Variants in PCDHGA6 observed in about 807,000 individuals in gnomAD.
PCDHGA6 encodes protocadherin gamma-A6.
A neutral mutation model predicts 60.6 loss-of-function variants in PCDHGA6; 41 were observed. That is an observed-to-expected ratio of 0.68 (90% CI 0.53 to 0.88). The LOEUF is 0.88. Among genes scored for constraint, PCDHGA6 ranks in the 40% least tolerant of loss-of-function variants. The pLI is 0.00. For missense variants in PCDHGA6, 1,312 were observed against 1,203.0 expected (o/e 1.09, Z -1.34); for synonymous variants, 594 against 524.4 (o/e 1.13, Z -1.81).
At chr5:141,429,388 A>T (rs6890453) in intron 1 of PCDHGA6, among the ~76,000 whole-genome samples, 24,714 of 140,916 alleles carry the variant, frequency 0.18, 2,276 homozygotes, top group African/African-American at 0.28. Flanking sequence ...TTTTTTTTTT[A>T]AAAAAAATTG....
At chr5:141,461,892 C>T (rs976827774) in intron 1 of PCDHGA6, among the ~76,000 whole-genome samples, 2 of 152,030 alleles carry the variant, frequency 1.3e-5, no homozygotes, top group Non-Finnish European at 2.9e-5. Context: ...GGCACGATCT[C>T]GGCTCACTGC....
chr5:141,408,446 G>C (rs371079756), intron 1 of PCDHGA6: 180 of 1,613,946 alleles, frequency 1.1e-4, no homozygotes, highest in Non-Finnish European at 1.5e-4. Context: ...CGCGGAGAGC[G>C]GGGACTTACT....
intron 1 of PCDHGA6, among the ~76,000 whole-genome samples, chr5:141,463,534 C>T (rs866525322): frequency 2.6e-4 from 39 of 148,938 alleles, no homozygotes; most frequent in Admixed American, 7.5e-4. Flanking sequence ...CTAGAAACTC[C>T]GGCTCCCGGG....
At chr5:141,404,600 CTG>C (rs2094545529) in intron 1 of PCDHGA6, 2 of 1,613,938 alleles carry the variant, frequency 1.2e-6, no homozygotes, top group Non-Finnish European at 1.7e-6. Context: ...GTCATTGAGA[CTG>C]TTTGTTTTGG....
chr5:141,509,207 A>C (rs1263006059), intron 3 of PCDHGA6, among the ~76,000 whole-genome samples: 2 of 151,694 alleles, frequency 1.3e-5, no homozygotes, highest in Non-Finnish European at 2.9e-5. Context: ...CTGTCTCTCT[A>C]TTTCTCAATC....
Position 141,487,522 on chromosome 5 carries a change from T to G in PCDHGA6, c.2425-7285T>G, listed in dbSNP as rs764726787. Reference sequence around the variant, plus strand: ...TGGCTTCTGCACCCACTCGGAGTGATAGCTTCATGATGGTGAAGTCACCCA... The same window carrying G: ...TGGCTTCTGCACCCACTCGGAGTGAGAGCTTCATGATGGTGAAGTCACCCA... On this transcript the variant is annotated intron_variant, in intron 1 of 3. Transcript: ENST00000517434. This position sits in a 1 kb window ranked among gnomAD's most constrained non-coding sequence, Gnocchi z 5.0. The G allele has an allele frequency of 6.2e-7, 1 of 1,614,166 alleles. No individual in the cohort carries two copies. The highest frequency in any genetic ancestry group is 8.5e-7 in the Non-Finnish European group (1 of 1,180,022).
intron 1 of PCDHGA6, among the ~76,000 whole-genome samples, chr5:141,425,967 G>A (rs1021171082): frequency 2.0e-5 from 3 of 152,214 alleles, no homozygotes; most frequent in Non-Finnish European, 4.4e-5. Flanking sequence ...CAACACATCA[G>A]TCTAATTCTG....
intron 1 of PCDHGA6, among the ~76,000 whole-genome samples, chr5:141,453,095 G>T (rs1254113352): frequency 6.6e-6 from 1 of 151,962 alleles, no homozygotes; most frequent in African/African-American, 2.4e-5. Flanking sequence ...TATATTTTCT[G>T]TTGCTTTTTT....
chr5:141,491,353 T>A lies in PCDHGA6; in HGVS notation c.2425-3454T>A. On this transcript the variant is annotated intron_variant, in intron 1 of 3. Coordinates refer to ENST00000517434, the MANE Select transcript of PCDHGA6 (RefSeq NM_018919.3). This position sits in a 1 kb window ranked among gnomAD's most constrained non-coding sequence, Gnocchi z 6.9. ...GGCTCTAGCGACCGTCAGTCTCTTATCCCTAGTCACCTTCACCTTTCTGTC... is the reference window on the plus strand; with the variant it reads ...GGCTCTAGCGACCGTCAGTCTCTTAACCCTAGTCACCTTCACCTTTCTGTC... The A allele has an allele frequency of 6.2e-7, 1 of 1,614,160 alleles. No homozygotes were observed. Among genetic ancestry groups the A allele is most frequent in the South Asian group, 1.1e-5 (1 of 91,080 alleles).
intron 1 of PCDHGA6, chr5:141,419,481 C>A (rs2096389716): frequency 2.5e-6 from 4 of 1,612,424 alleles, no homozygotes; most frequent in Non-Finnish European, 3.4e-6. Context: ...GGCTCGCCCG[C>A]GCTCAGCGCC....
intron 1 of PCDHGA6, chr5:141,417,739 C>T: frequency 6.4e-6 from 9 of 1,411,706 alleles, no homozygotes; most frequent in Non-Finnish European, 5.6e-6. Flanking sequence ...GCCCAGCACA[C>T]CAGATTGCCA....
intron 1 of PCDHGA6, among the ~76,000 whole-genome samples, chr5:141,459,109 C>A (rs1213203625): frequency 6.6e-6 from 1 of 152,174 alleles, no homozygotes; most frequent in Non-Finnish European, 1.5e-5. Context: ...TGCATTTTGA[C>A]AATTGTTTAC....
chr5:141,409,818 C>T (rs1027344375), intron 1 of PCDHGA6: 2 of 1,610,918 alleles, frequency 1.2e-6, no homozygotes, highest in Non-Finnish European at 1.7e-6. Context: ...GACCACGGCT[C>T]GCCCACGCTC....
At chr5:141,498,863 G>A (rs1311199561) in intron 2 of PCDHGA6, among the ~76,000 whole-genome samples, 2 of 151,466 alleles carry the variant, frequency 1.3e-5, no homozygotes, top group South Asian at 2.1e-4. Context: ...AACCCAGGAG[G>A]CGGAGGTTGC....
intron 1 of PCDHGA6, chr5:141,392,261 A>C (rs2150475228): frequency 6.6e-6 from 1 of 152,338 alleles, no homozygotes; most frequent in Admixed American, 6.5e-5. Flanking sequence ...TATTGGAGAC[A>C]TTTACAATAA....
Position 141,393,093 on chromosome 5 carries a change from G to A in PCDHGA6, c.2424+16586G>A, listed in dbSNP as rs781611512. On this transcript the variant is annotated intron_variant, in intron 1 of 3. Coordinates refer to ENST00000517434, the MANE Select transcript of PCDHGA6 (RefSeq NM_018919.3). The stretch of plus-strand genomic sequence containing the variant: ...CACCGCGGGCAGGATAGATCGGGAG[G>A]AGCTCTGCGCTCAGAGCCCGCGGTG... 138 of 1,613,502 alleles carry A rather than the reference G, an allele frequency of 8.6e-5. No individual in the cohort carries two copies. The highest frequency in any genetic ancestry group is 1.2e-4 in the Non-Finnish European group (136 of 1,179,914).
chr5:141,501,508 C>A (rs1378333182), intron 2 of PCDHGA6, among the ~76,000 whole-genome samples: 1 of 151,960 alleles, frequency 6.6e-6, no homozygotes, highest in Non-Finnish European at 1.5e-5. Flanking sequence ...GGCTCCAAGG[C>A]CTCCAAGCTG....
chr5:141,428,387 G>A, intron 1 of PCDHGA6: 1 of 505,948 alleles, frequency 2.0e-6, no homozygotes, highest in South Asian at 2.0e-5. Context: ...TGCTCTTCCA[G>A]CCCCTCTGCC....
At chr5:141,421,164 A>C (rs1304650780) in intron 1 of PCDHGA6, 9 of 1,286,298 alleles carry the variant, frequency 7.0e-6, no homozygotes, top group Non-Finnish European at 9.4e-6. Context: ...GACTTCATAG[A>C]TACATAAGCC....
Sources: allele counts gnomAD v4.1 joint callset (sites outside exome capture counted in the v4.1 genomes callset), GRCh38; gene constraint gnomAD v4.1.1; non-coding constraint Gnocchi (gnomAD v3.1); transcripts MANE v1.5; gene names NCBI Gene and HGNC (gene_info 2026-07-23, HGNC 2026-07-21).